The following ARHGAP36 variants were observed in gnomAD, a reference collection of about 807,000 sequenced individuals.
ARHGAP36 encodes Rho GTPase activating protein 36.
ARHGAP36 carries 7 observed loss-of-function variants against 32.9 expected under a neutral mutation model. The observed-to-expected ratio is 0.21, with a 90% CI of 0.12 to 0.40. The LOEUF is 0.40. Among genes scored for constraint, ARHGAP36 ranks in the 10% least tolerant of loss-of-function variants. The probability of loss-of-function intolerance (pLI) is 1.00; values close to 1 mark genes in which losing one functional copy is unlikely to be tolerated. For synonymous variants in ARHGAP36, 165 were observed against 168.3 expected, an observed-to-expected ratio of 0.98 and a Z score of 0.15; for missense variants, 383 against 442.2, an observed-to-expected ratio of 0.87 and a Z score of 1.20.
intron 1 of ARHGAP36, among the ~76,000 whole-genome samples, chrX:131,062,410 C>T (rs900902367): frequency 9.0e-6 from 1 of 111,554 alleles, no homozygotes; most frequent in African/African-American, 3.3e-5. Flanking sequence ...TAGAATTTCA[C>T]TATACATAGT....
intron 1 of ARHGAP36, among the ~76,000 whole-genome samples, 164 bp downstream of exon 1, chrX:131,058,608 G>T (rs1334330776): frequency 8.8e-6 from 1 of 113,578 alleles, no homozygotes; most frequent in Admixed American, 9.2e-5. Context: ...CCCCGTCGAG[G>T]CCCCGCATAA....
At chrX:131,070,962 GT>G (rs954872854) in intron 1 of ARHGAP36, among the ~76,000 whole-genome samples, 5 of 109,866 alleles carry the variant, frequency 4.6e-5, no homozygotes, top group South Asian at 4.0e-4. Context: ...CTCAACTCAA[GT>G]TTTTTTCCTG....
At chrX:131,087,572 G>A (rs1417549194) in intron 11 of ARHGAP36, among the ~76,000 whole-genome samples, 1 of 111,730 alleles carries the variant, frequency 9.0e-6, no homozygotes, top group Non-Finnish European at 1.9e-5. Flanking sequence ...CTCAGACACT[G>A]AAGAAATTCC....
intron 2 of ARHGAP36, among the ~76,000 whole-genome samples, chrX:131,082,387 G>A (rs902220671): frequency 8.9e-6 from 1 of 112,845 alleles, no homozygotes; most frequent in Admixed American, 9.2e-5. Flanking sequence ...ACGGGAGGGC[G>A]GTGCGGGCGC....
At chrX:131,068,240 C>CGG (rs1353332076) in intron 1 of ARHGAP36, among the ~76,000 whole-genome samples, 1 of 111,281 alleles carries the variant, frequency 9.0e-6, no homozygotes, top group African/African-American at 3.3e-5. Context: ...CCCGCGCGCG[C>CGG]GCACACACGC....
chrX:131,077,632 C>T (rs1209821669), intron 1 of ARHGAP36, among the ~76,000 whole-genome samples: 2 of 109,691 alleles, frequency 1.8e-5, no homozygotes, highest in East Asian at 2.9e-4. Context: ...GAGAAACAGG[C>T]TTGATGCCAT....
chrX:131,065,941 T>A (rs1194490644), intron 1 of ARHGAP36, among the ~76,000 whole-genome samples: 1 of 111,940 alleles, frequency 8.9e-6, no homozygotes, highest in Non-Finnish European at 1.9e-5. Flanking sequence ...CCCCCTGACC[T>A]CTTTGCAGCA....
In ARHGAP36 at chrX:131,081,929, C is replaced by T. The variant is rs768797826; in HGVS notation, c.253+11C>T. On this transcript the variant is annotated intron_variant, in intron 2 of 11. Transcript: ENST00000276211. ...TCAAACCTGACAGAGGTAAGCTGTA[C>T]CCCGGATTGTGGCATCCTCGCCTTC... is the stretch of plus-strand genomic sequence containing the variant. The T allele has an allele frequency of 3.3e-6, 4 of 1,208,363 alleles. No homozygotes were observed. Among genetic ancestry groups the T allele is most frequent in the Non-Finnish European group, 4.5e-6 (4 of 893,511 alleles).
Position 131,089,000 on chromosome X carries a change from C to T in ARHGAP36, c.*215C>T. On this transcript the variant is annotated 3_prime_UTR_variant, in exon 12 of 12. Transcript: ENST00000276211. ...TCTGCTGGTAAAAGCAGAGATGTTT[C>T]TGTGTCATGCCCAAGCTCCCCGGTG... is the stretch of plus-strand genomic sequence containing the variant. 2.2e-6 allele frequency: 1 copy of T among 456,390 alleles called. No homozygotes were observed. The highest frequency in any genetic ancestry group is 3.4e-6 in the Non-Finnish European group (1 of 296,960). The allele number at this position is 456,390 out of a possible 1,213,427, so 37.6% of individuals were successfully genotyped here. A position where few individuals can be genotyped will look rare whatever the true frequency, so the allele number is the denominator to read the frequency against.
chrX:131,078,122 C>G (rs756540777), intron 1 of ARHGAP36, among the ~76,000 whole-genome samples: 16 of 110,407 alleles, frequency 1.4e-4, no homozygotes, highest in African/African-American at 5.3e-4. Flanking sequence ...TTTGTAAACT[C>G]CAGCCCTCTG....
chrX:131,060,117 C>T, intron 1 of ARHGAP36, among the ~76,000 whole-genome samples: 1 of 111,773 alleles, frequency 8.9e-6, no homozygotes. Context: ...CCTACTCACC[C>T]TGTTCTTACC....
chrX:131,074,255 A>G (rs1216312172), intron 1 of ARHGAP36, among the ~76,000 whole-genome samples: 4 of 111,113 alleles, frequency 3.6e-5, no homozygotes, highest in African/African-American at 9.9e-5. Flanking sequence ...GATATTGATG[A>G]CCCTTCTTTT....
intron 1 of ARHGAP36, among the ~76,000 whole-genome samples, chrX:131,065,000 T>C (rs2035838430): frequency 9.2e-6 from 1 of 108,638 alleles, no homozygotes; most frequent in Non-Finnish European, 1.9e-5. Flanking sequence ...AGAGAGAGAC[T>C]TATGACAGCG....
Position 131,058,517 on chromosome X carries a change from G to A in ARHGAP36, c.-143+73G>A, listed in dbSNP as rs765900117. The A allele has an allele frequency of 6.6e-6, 6 of 902,669 alleles. No homozygotes were observed. In the East Asian group the frequency reaches 2.1e-4, roughly 32 times the overall value. 74.4% of individuals were successfully genotyped at this position (902,669 alleles called of 1,213,427 possible). A position where few individuals can be genotyped will look rare whatever the true frequency, so the allele number is the denominator to read the frequency against. ...CGGCCGGCGGCTGCAGCCCCCTCTG[G>A]GCGCCCTGGGGCTTGGCTGGTCGCC... is the stretch of plus-strand genomic sequence containing the variant. On this transcript the variant is annotated intron_variant, in intron 1 of 11. Coordinates refer to ENST00000276211, the MANE Select transcript of ARHGAP36 (RefSeq NM_144967.4).
At chrX:131,062,227 A>G (rs764149351) in intron 1 of ARHGAP36, among the ~76,000 whole-genome samples, 4 of 112,499 alleles carry the variant, frequency 3.6e-5, no homozygotes, top group Non-Finnish European at 7.5e-5. Context: ...GACTAGAAAG[A>G]AATCGACAAT....
chrX:131,074,632 A>C (rs1226929715), intron 1 of ARHGAP36, among the ~76,000 whole-genome samples: 1 of 112,048 alleles, frequency 8.9e-6, no homozygotes, highest in Non-Finnish European at 1.9e-5. Flanking sequence ...GAACAAAGGA[A>C]AGGAAACATA....
chrX:131,065,507 C>A (rs1170183202), intron 1 of ARHGAP36, among the ~76,000 whole-genome samples: 3 of 111,128 alleles, frequency 2.7e-5, no homozygotes, highest in Non-Finnish European at 5.7e-5. Flanking sequence ...GAGGAGGTGT[C>A]AGATTGGCCC....
At chrX:131,087,313 T>A (rs1023098215) in intron 11 of ARHGAP36, among the ~76,000 whole-genome samples, 3 of 111,169 alleles carry the variant, frequency 2.7e-5, no homozygotes, top group Non-Finnish European at 5.7e-5. Flanking sequence ...TGATGAAGCC[T>A]CAAATACTGA....
chrX:131,058,416 C>T lies in ARHGAP36; in HGVS notation c.-171C>T. 1 of 1,100,438 alleles carries T rather than the reference C, an allele frequency of 9.1e-7. No homozygotes were observed. Among genetic ancestry groups the T allele is most frequent in the Non-Finnish European group, 1.2e-6 (1 of 838,228 alleles). 90.7% of individuals were successfully genotyped at this position (1,100,438 alleles called of 1,213,427 possible). The stretch of plus-strand genomic sequence containing the variant: ...CGTGGATACTGGACTGCCTTTTCGC[C>T]TCGGCCTTTGAGCCCCGCCCCCGCC... On this transcript the variant is annotated 5_prime_UTR_variant, in exon 1 of 12. Coordinates refer to ENST00000276211, the MANE Select transcript of ARHGAP36 (RefSeq NM_144967.4).
Sources: allele counts gnomAD v4.1 joint callset (sites outside exome capture counted in the v4.1 genomes callset), GRCh38; gene constraint gnomAD v4.1.1; transcripts MANE v1.5; gene names NCBI Gene and HGNC (gene_info 2026-07-23, HGNC 2026-07-21).